FAT1: variants seen among roughly 807,000 people sequenced by gnomAD.
FAT1 encodes the protein FAT atypical cadherin 1, also known as protocadherin Fat 1.
FAT1 carries 171 observed loss-of-function variants against 329.8 expected under a neutral mutation model. That is an observed-to-expected ratio of 0.52 (90% CI 0.46 to 0.59). The LOEUF is 0.59. FAT1 is among the 20% of genes least tolerant of loss of function. The pLI is 0.00. For missense variants in FAT1, 5,672 were observed against 5,774.4 expected, an observed-to-expected ratio of 0.98 and a Z score of 0.57; for synonymous variants, 2,233 against 2,228.6, an observed-to-expected ratio of 1.00 and a Z score of -0.06.
intron 10 of FAT1, 70 bp from the exon 11 acceptor site, chr4:186,617,271 A>G (rs1233238720): frequency 3.7e-6 from 4 of 1,073,358 alleles, no homozygotes; most frequent in Non-Finnish European, 5.3e-6. Flanking sequence ...CAGAAAAAAT[A>G]AACTGTACAA....
chr4:186,708,179 T>G lies in FAT1; in HGVS notation c.1649A>C (p.Glu550Ala), dbSNP rs768394919. Residue 550 changes from glutamate (E) to alanine (A), a missense_variant, in exon 2 of 27, where the codon GAA becomes GCA. Physicochemically the swap from Glu to Ala is moderately radical, Grantham distance 107. Coordinates refer to ENST00000441802, the MANE Select transcript of FAT1 (RefSeq NM_005245.4). ...ASDWGLPYRR[E>A]VEVLATITLN... ...AGTAATTGTAGCAAGGACTTCGACTTCCCGGCGGTACGGCAAGCCCCAGTC... is the reference window on the plus strand; with the variant it reads ...AGTAATTGTAGCAAGGACTTCGACTGCCCGGCGGTACGGCAAGCCCCAGTC... 6.2e-7 allele frequency: 1 copy of G among 1,613,986 alleles called. No homozygotes were observed. Among genetic ancestry groups the G allele is most frequent in the African/African-American group, 1.3e-5 (1 of 75,040 alleles).
Position 186,628,730 on chromosome 4 carries a change from G to A in FAT1, c.4357C>T (p.Arg1453Cys), listed in dbSNP as rs756351356. The A allele has an allele frequency of 3.1e-6, 5 of 1,613,478 alleles. No homozygotes were observed. Among genetic ancestry groups the A allele is most frequent in the South Asian group, 1.1e-5 (1 of 91,062 alleles). The change falls in exon 8 of 27, where the codon CGT becomes TGT. Residue 1453 changes from arginine to cysteine, a missense_variant. Around this residue, in one of 2 missense-constraint regions of FAT1, gnomAD observed 3,966 missense variants for 3,915.2 expected, o/e 1.01. Coordinates refer to ENST00000441802, the MANE Select transcript of FAT1 (RefSeq NM_005245.4). ...FIKVIDTNDHRPQFSTSKYEV... is the reference protein window; with the variant it reads ...FIKVIDTNDHCPQFSTSKYEV... ...TACTTTGATGTAGAAAACTGAGGAC[G>A]ATGGTCATTTGTGTCTATTACTTTG...
rs200939422 is a variant in FAT1 at position 186,588,752 on chromosome 4, G to C, written c.13607C>G (p.Pro4536Arg). 6.8e-6 allele frequency: 11 copies of C among 1,613,930 alleles called. No homozygotes were observed. The East Asian group carries it at 2.5e-4, about 36-fold the overall frequency. The change falls in exon 27 of 27, where the codon CCC becomes CGC. Residue 4536 changes from proline to arginine, a missense_variant. By Grantham distance (103) the Pro-to-Arg change is moderately radical (BLOSUM62 -2). Coordinates refer to ENST00000441802, the MANE Select transcript of FAT1 (RefSeq NM_005245.4). ...HFEAPAVESM[P>R]MSVYASTASC... ...GGCGGTGGAGGCGTACACAGACATG[G>C]GCATGCTCTCGACAGCGGGCGCCTC...
rs1356198357 is a variant in FAT1 at position 186,639,711 on chromosome 4, A to G, written c.3642+11T>C. On this transcript the variant is annotated intron_variant, in intron 4 of 26. Transcript: ENST00000441802. The stretch of plus-strand genomic sequence containing the variant: ...GAATCTTTAAGTATTAAAGATAAAA[A>G]AAAAACTTACCTCTAATATGTGTTC... 1 of 1,596,112 alleles carries G rather than the reference A, an allele frequency of 6.3e-7. No individual in the cohort carries two copies. The highest frequency in any genetic ancestry group is 8.5e-7 in the Non-Finnish European group (1 of 1,171,204).
intron 1 of FAT1, among the ~76,000 whole-genome samples, chr4:186,711,624 T>C (rs2126709468): frequency 6.6e-6 from 1 of 151,944 alleles, no homozygotes; most frequent in South Asian, 2.1e-4. Flanking sequence ...GAAATAAAAA[T>C]ACATATAAAG....
chr4:186,601,484 A>G, intron 20 of FAT1, 58 bp from the exon 21 acceptor site: 3 of 1,486,600 alleles, frequency 2.0e-6, no homozygotes, highest in African/African-American at 1.4e-5. Flanking sequence ...TATTTTTTAA[A>G]GTATGACTCC....
rs1173123959 is a variant in FAT1 at position 186,611,661 on chromosome 4, G to T, written c.9578C>A (p.Ala3193Glu). ...LEKPLDRELQ[A>E]VYTLSLKAVD... The stretch of plus-strand genomic sequence containing the variant: ...AGCTTTCAAAGAGAGGGTGTATACT[G>T]CCTGGAGTTCTCTGTCCAAAGGTTT... Residue 3193 changes from alanine to glutamate, a missense_variant, in exon 14 of 27, where the codon GCA becomes GAA. By Grantham distance (107) the Ala-to-Glu change is moderately radical. Coordinates refer to ENST00000441802, the MANE Select transcript of FAT1 (RefSeq NM_005245.4). 1.9e-6 allele frequency: 3 copies of T among 1,612,084 alleles called. No individual in the cohort carries two copies. The Admixed American group carries it at 5.0e-5, about 27-fold the overall frequency.
rs2126488894 is a variant in FAT1 at position 186,617,878 on chromosome 4, A to G, written c.8708T>C (p.Ile2903Thr). ...GEKIQLSSTAIVDVTVTDVND... is the reference protein window; with the variant it reads ...GEKIQLSSTATVDVTVTDVND... ...GACATCGGTGACGGTAACATCCACA[A>G]TGGCTGTGGAGGATAGCTGGATCTT... The change falls in exon 10 of 27, where the codon ATT becomes ACT. Residue 2903 changes from isoleucine (I) to threonine (T), a missense_variant. Physicochemically the swap from Ile to Thr is moderately conservative, Grantham distance 89 (BLOSUM62 -1). Around this residue, in one of 2 missense-constraint regions of FAT1, gnomAD observed 3,966 missense variants for 3,915.2 expected, o/e 1.01. Coordinates refer to ENST00000441802, the MANE Select transcript of FAT1 (RefSeq NM_005245.4). The G allele has an allele frequency of 8.1e-6, 13 of 1,614,004 alleles. No individual in the cohort carries two copies. Among genetic ancestry groups the G allele is most frequent in the Non-Finnish European group, 1.0e-5 (12 of 1,179,888 alleles).
rs780704081 is a variant in FAT1, at chr4:186,596,700, C to T, written c.12840G>A (p.Glu4280=). The T allele has an allele frequency of 1.2e-6, 2 of 1,613,720 alleles. No homozygotes were observed. The highest frequency in any genetic ancestry group is 1.7e-6 in the Non-Finnish European group (2 of 1,179,730). The part of the protein sequence containing the change: ...RNSFEGSAIP[E]HPEFSTFNPE... ...GGTTAAAAGTGCTGAATTCGGGATG[C>T]TCTGGGATAGCAGATCCTTCGAAGG... The change falls in exon 25 of 27, where the codon GAG becomes GAA. Residue 4280 remains glutamate (E), a synonymous_variant. Transcript: ENST00000441802. The surrounding 1 kb of genome is among the most constrained non-coding windows in gnomAD (Gnocchi z 4.7).
intron 3 of FAT1, among the ~76,000 whole-genome samples, chr4:186,656,597 T>C (rs1741913421): frequency 6.6e-6 from 1 of 150,834 alleles, no homozygotes; most frequent in Admixed American, 6.6e-5. Flanking sequence ...CCTTCCGGCC[T>C]TGCTGAGCAG....
chr4:186,655,875 T>A (rs1388349232), intron 3 of FAT1, among the ~76,000 whole-genome samples: 2 of 152,196 alleles, frequency 1.3e-5, no homozygotes, highest in South Asian at 4.1e-4. Flanking sequence ...TGAAAGAAAA[T>A]GCAAACACTA....
intron 2 of FAT1, among the ~76,000 whole-genome samples, chr4:186,683,916 A>T (rs1054479611): frequency 1.3e-5 from 2 of 152,076 alleles, no homozygotes; most frequent in Admixed American, 6.5e-5. Context: ...ATCACAAAAC[A>T]TTGCATGTAA....
rs1207137526 is a variant in FAT1 at position 186,707,597 on chromosome 4, A to G, written c.2231T>C (p.Leu744Pro). ...SSVIFMNSTD[L>P]DTGFNGKLVY... Reference sequence around the variant, plus strand: ...CAGTTTTCCATTGAAGCCAGTGTCAAGGTCAGTGGAGTTCATGAAAATTAC... The same window carrying G: ...CAGTTTTCCATTGAAGCCAGTGTCAGGGTCAGTGGAGTTCATGAAAATTAC... The change falls in exon 2 of 27, where the codon CTT (leucine) becomes CCT (proline). Residue 744 changes from leucine to proline, a missense_variant. Coordinates refer to ENST00000441802, the MANE Select transcript of FAT1 (RefSeq NM_005245.4). 2.5e-6 allele frequency: 4 copies of G among 1,614,024 alleles called. No homozygotes were observed. The highest frequency in any genetic ancestry group is 3.4e-6 in the Non-Finnish European group (4 of 1,179,882).
chr4:186,688,661 C>T (rs1037936393), intron 2 of FAT1, among the ~76,000 whole-genome samples: 1 of 124,794 alleles, frequency 8.0e-6, no homozygotes, highest in Non-Finnish European at 1.7e-5. Flanking sequence ...CCGCCCCCCC[C>T]CAAAAAAACA....
intron 2 of FAT1, among the ~76,000 whole-genome samples, chr4:186,683,951 G>A (rs907355590): frequency 6.6e-6 from 1 of 151,624 alleles, no homozygotes; most frequent in African/African-American, 2.4e-5. Context: ...GAGTTTTTCA[G>A]CTGTTTTTCA....
rs762163269 is a variant in FAT1, at chr4:186,609,911, T to A, written c.9958A>T (p.Thr3320Ser). Residue 3320 changes from threonine (T) to serine (S), a missense_variant, in exon 15 of 27, where the codon ACT becomes TCT. By Grantham distance (58) the Thr-to-Ser change is moderately conservative (BLOSUM62 1). Coordinates refer to ENST00000441802, the MANE Select transcript of FAT1 (RefSeq NM_005245.4). ...ATATCTGTTACATTAACGTTCACAGTGGCAACGTCGCTCAGTGAAGGCGTG... is the reference window on the plus strand; with the variant it reads ...ATATCTGTTACATTAACGTTCACAGAGGCAACGTCGCTCAGTGAAGGCGTG... ...GGTPSLSDVA[T>S]VNVNVTDIND... 2.4e-5 allele frequency: 39 copies of A among 1,612,982 alleles called. No individual in the cohort carries two copies. In the East Asian group the frequency reaches 8.5e-4, roughly 35 times the overall value.
intron 2 of FAT1, among the ~76,000 whole-genome samples, chr4:186,679,615 A>AG (rs1326553057): frequency 4.6e-5 from 7 of 151,916 alleles, no homozygotes; most frequent in Non-Finnish European, 8.8e-5. Flanking sequence ...AAAAAAAAAA[A>AG]CATAGCATAG....
intron 3 of FAT1, among the ~76,000 whole-genome samples, chr4:186,651,931 C>T (rs570157261): frequency 9.2e-5 from 14 of 152,282 alleles, no homozygotes; most frequent in East Asian, 1.9e-4. Context: ...GTACTGGTGC[C>T]GGCAGGATTA....
At chr4:186,691,781 C>G (rs767122501) in intron 2 of FAT1, among the ~76,000 whole-genome samples, 8 of 152,130 alleles carry the variant, frequency 5.3e-5, no homozygotes, top group Non-Finnish European at 1.2e-4. Context: ...GTACTCCAGT[C>G]TGAGAAAGTG....
Sources: gnomAD v4.1 joint callset for allele counts (sites outside exome capture counted in the v4.1 genomes callset) on GRCh38, gnomAD v4.1.1 for gene constraint, gnomAD v4.1.1 regional missense constraint, Gnocchi (gnomAD v3.1) non-coding constraint, MANE v1.5 for transcripts, NCBI Gene and HGNC (gene_info 2026-07-23, HGNC 2026-07-21) for gene names.